DNAH1: variants seen among roughly 807,000 people sequenced by gnomAD.
DNAH1 encodes the protein axonemal beta dynein heavy chain 1.
A neutral mutation model predicts 484.3 loss-of-function variants in DNAH1; 327 were observed. The observed-to-expected ratio is 0.68, with a 90% CI of 0.62 to 0.74. The LOEUF is 0.74. Ranked by LOEUF, DNAH1 falls within the 30% of genes least tolerant of loss-of-function variation. DNAH1 has a pLI of 0.00. For missense variants in DNAH1, 5,052 were observed against 5,546.8 expected (o/e 0.91, Z 2.83); for synonymous variants, 2,192 against 2,191.9 (o/e 1.00, Z 0.00).
At position 52,362,541 on chromosome 3, in the gene DNAH1, T is replaced by G; in HGVS notation, c.5094+40T>G. On this transcript the variant is annotated intron_variant, in intron 31 of 77. Coordinates refer to ENST00000420323, the MANE Select transcript of DNAH1 (RefSeq NM_015512.5). The surrounding 1 kb of genome is among the most constrained non-coding windows in gnomAD (Gnocchi z 5.1). Reference sequence around the variant, plus strand: ...AGAGTGGCCCAGGAAGCACCAGAGCTCTAGCCTGAGTTCAGAGATGCTAAG... The same window carrying G: ...AGAGTGGCCCAGGAAGCACCAGAGCGCTAGCCTGAGTTCAGAGATGCTAAG... 1 of 1,566,382 alleles carries G rather than the reference T, an allele frequency of 6.4e-7. No individual in the cohort carries two copies. The highest frequency in any genetic ancestry group is 8.7e-7 in the Non-Finnish European group (1 of 1,145,962).
At position 52,384,912 on chromosome 3, in the gene DNAH1, C is replaced by T; in HGVS notation, c.8449C>T (p.Leu2817Phe). Residue 2817 changes from leucine to phenylalanine, a missense_variant, in exon 53 of 78, where the codon CTC becomes TTC. Leu to Phe is a conservative substitution (Grantham distance 22, BLOSUM62 0). Transcript: ENST00000420323. Reference sequence around the variant, plus strand: ...GGAGCTGCTTCATATTTTCTCCATCCTCATCGGGCAGAAGAAACTGGAGCT... The same window carrying T: ...GGAGCTGCTTCATATTTTCTCCATCTTCATCGGGCAGAAGAAACTGGAGCT... ...YLELLHIFSI[L>F]IGQKKLELKT... 1 of 1,613,640 alleles carries T rather than the reference C, an allele frequency of 6.2e-7. No homozygotes were observed. The highest frequency in any genetic ancestry group is 8.5e-7 in the Non-Finnish European group (1 of 1,179,752).
At chr3:52,382,854 C>T (rs1038522518) in intron 50 of DNAH1, among the ~76,000 whole-genome samples, 8 of 152,212 alleles carry the variant, frequency 5.3e-5, no homozygotes, top group East Asian at 1.9e-4. Flanking sequence ...TAGGGTCACA[C>T]GACAGAACAG....
chr3:52,360,320 G>T lies in DNAH1; in HGVS notation c.4581G>T (p.Trp1527Cys). ...FQWISQLRYY[W>C]TNNDLYIRAV... ...CTCCCTGCACCGCCAGGTACTACTG[G>T]ACAAATAATGACCTGTATATCCGTG... The change falls in exon 28 of 78, where the codon TGG (tryptophan) becomes TGT (cysteine). Residue 1527 changes from tryptophan (W) to cysteine (C), a missense_variant. Trp to Cys is a radical substitution (Grantham distance 215). Coordinates refer to ENST00000420323, the MANE Select transcript of DNAH1 (RefSeq NM_015512.5). 1 of 1,613,634 alleles carries T rather than the reference G, an allele frequency of 6.2e-7. No homozygotes were observed. Among genetic ancestry groups the T allele is most frequent in the Non-Finnish European group, 8.5e-7 (1 of 1,179,660 alleles).
At chr3:52,311,751 G>A (rs752607341), upstream of DNAH1, among the ~76,000 whole-genome samples, 24 of 152,166 alleles carry the variant, frequency 1.6e-4, no homozygotes, top group Non-Finnish European at 3.2e-4. Flanking sequence ...GCAACCTGGT[G>A]GGGTTGCTGG....
At chr3:52,391,076 C>T (rs1704354140) in intron 61 of DNAH1, 22 bp downstream of exon 61, 1 of 1,580,804 alleles carries the variant, frequency 6.3e-7, no homozygotes, top group Non-Finnish European at 8.6e-7. Context: ...CACCAGGCAC[C>T]ACCACCCCAC....
At position 52,332,417 on chromosome 3, in the gene DNAH1, C is replaced by A. The variant is rs555393000; in HGVS notation, c.1286+23C>A. 5.0e-6 allele frequency: 8 copies of A among 1,604,298 alleles called. No homozygotes were observed. In the African/African-American group the frequency reaches 1.1e-4, roughly 21 times the overall value. The stretch of plus-strand genomic sequence containing the variant: ...CTCGTGAGTCCCCGCTCGGCCTTCC[C>A]TATTCTGGGCATCACCTTCTTCAGG... On this transcript the variant is annotated intron_variant, in intron 8 of 77. Coordinates refer to ENST00000420323, the MANE Select transcript of DNAH1 (RefSeq NM_015512.5).
chr3:52,397,205 C>T lies in DNAH1; in HGVS notation c.11787+161C>T, dbSNP rs79759639. Among the ~76,000 whole-genome samples the T allele has an allele frequency of 0.018, 2,761 of 152,082 alleles. 73 individuals are homozygous for T. Among genetic ancestry groups the T allele is most frequent in the African/African-American group, 0.063 (2,593 of 41,360 alleles). ...TCCCATCCCACAAAGACAGCCTTGG[C>T]GAGGGAGTCAGACCCTGCCCACTGG... is the stretch of plus-strand genomic sequence containing the variant. On this transcript the variant is annotated intron_variant, in intron 73 of 77. Coordinates refer to ENST00000420323, the MANE Select transcript of DNAH1 (RefSeq NM_015512.5).
At position 52,386,873 on chromosome 3, in the gene DNAH1, T is replaced by C; in HGVS notation, c.9003+20T>C. 1 of 1,530,198 alleles carries C rather than the reference T, an allele frequency of 6.5e-7. No homozygotes were observed. The highest frequency in any genetic ancestry group is 2.4e-5 in the East Asian group (1 of 41,390). The allele number at this position is 1,530,198 out of a possible 1,614,324, so 94.8% of individuals were successfully genotyped here. A position where few individuals can be genotyped will look rare whatever the true frequency, so the allele number is the denominator to read the frequency against. On this transcript the variant is annotated intron_variant, in intron 56 of 77. Coordinates refer to ENST00000420323, the MANE Select transcript of DNAH1 (RefSeq NM_015512.5). ...GACAAGGTAAGCATGCCAGGCACCC[T>C]GGCCAGCCAGCGAGTGAGGACAAGG...
In DNAH1 at chr3:52,392,537, C is replaced by G; in HGVS notation, c.10126C>G (p.Leu3376Val). 6.2e-7 allele frequency: 1 copy of G among 1,613,978 alleles called. No homozygotes were observed. The highest frequency in any genetic ancestry group is 8.5e-7 in the Non-Finnish European group (1 of 1,179,880). The change falls in exon 64 of 78, where the codon CTG (leucine) becomes GTG (valine). Residue 3376 changes from leucine (L) to valine (V), a missense_variant. By Grantham distance (32) the Leu-to-Val change is conservative (BLOSUM62 1). Coordinates refer to ENST00000420323, the MANE Select transcript of DNAH1 (RefSeq NM_015512.5). ...CGACCTGGAGGAGGCCAAGAACCAG[C>G]TGATTATCAGTAATGCCAAGATGCG... is the stretch of plus-strand genomic sequence containing the variant. Reference protein sequence around the residue: ...RPDLEEAKNQLIISNAKMRQE... With the variant: ...RPDLEEAKNQVIISNAKMRQE...
At chr3:52,341,667 G>A (rs1467086248) in intron 8 of DNAH1, among the ~76,000 whole-genome samples, 1 of 151,790 alleles carries the variant, frequency 6.6e-6, no homozygotes, top group Non-Finnish European at 1.5e-5. Context: ...TAACTGGGAC[G>A]TGTTCCCACA....
chr3:52,353,353 C>T lies in DNAH1; in HGVS notation c.3227-27C>T, dbSNP rs1702474153. 1.2e-6 allele frequency: 2 copies of T among 1,608,846 alleles called. No homozygotes were observed. The highest frequency in any genetic ancestry group is 1.7e-5 in the Admixed American group (1 of 59,894). ...TCCTCCCTGCCTCTGCCGCCTGCCT[C>T]TCATGCGTTTCTGTCTTACCCGGCA... On this transcript the variant is annotated intron_variant, in intron 19 of 77. Coordinates refer to ENST00000420323, the MANE Select transcript of DNAH1 (RefSeq NM_015512.5). This position sits in a 1 kb window ranked among gnomAD's most constrained non-coding sequence, Gnocchi z 5.0.
rs1280573065 is a variant in DNAH1 at position 52,353,074 on chromosome 3, G to A, written c.3028-29G>A. ...AGAGACTGGGAAGTGTCCCAAGACA[G>A]CCCCAGCCCTGCCCTCCTGTCCCTG... On this transcript the variant is annotated intron_variant, in intron 18 of 77. Coordinates refer to ENST00000420323, the MANE Select transcript of DNAH1 (RefSeq NM_015512.5). This position sits in a 1 kb window ranked among gnomAD's most constrained non-coding sequence, Gnocchi z 5.0. The A allele has an allele frequency of 6.3e-7, 1 of 1,593,466 alleles. No individual in the cohort carries two copies. The highest frequency in any genetic ancestry group is 8.6e-7 in the Non-Finnish European group (1 of 1,168,384).
Position 52,399,759 on chromosome 3 carries a change from A to G in DNAH1, c.12656A>G (p.Tyr4219Cys). Residue 4219 changes from tyrosine (Y) to cysteine (C), a missense_variant, in exon 77 of 78, where the codon TAC (tyrosine) becomes TGC (cysteine). Coordinates refer to ENST00000420323, the MANE Select transcript of DNAH1 (RefSeq NM_015512.5). ...CAGGACTTTTACCTGTGCCCCATCT[A>G]CAAGACACTGACTCGTGCTGGTATG... ...QDQDFYLCPI[Y>C]KTLTRAGTLS... 6.2e-7 allele frequency: 1 copy of G among 1,613,928 alleles called. No homozygotes were observed. The highest frequency in any genetic ancestry group is 8.5e-7 in the Non-Finnish European group (1 of 1,179,868).
At chr3:52,334,255 A>G (rs1201721254) in intron 8 of DNAH1, among the ~76,000 whole-genome samples, 1 of 152,210 alleles carries the variant, frequency 6.6e-6, no homozygotes, top group African/African-American at 2.4e-5. Context: ...CTAAACATAG[A>G]AAAGGTACAG....
chr3:52,380,075 G>A lies in DNAH1; in HGVS notation c.7548G>A (p.Gly2516=), dbSNP rs372772356. Reference sequence around the variant, plus strand: ...GCCCCTTCCAGCCCATTCTTTACGGGGACTTCATGTCACCAGGCTCCGATG... The same window carrying A: ...GCCCCTTCCAGCCCATTCTTTACGGAGACTTCATGTCACCAGGCTCCGATG... The part of the protein sequence containing the change: ...KVCPFQPILY[G]DFMSPGSDVK... Residue 2516 remains glycine (G), a synonymous_variant, in exon 48 of 78, where the codon GGG becomes GGA. Transcript: ENST00000420323. 7 of 1,605,562 alleles carry A rather than the reference G, an allele frequency of 4.4e-6. No homozygotes were observed. The African/African-American group carries it at 8.0e-5, about 18-fold the overall frequency.
intron 6 of DNAH1, among the ~76,000 whole-genome samples, chr3:52,330,585 T>A (rs1346485286): frequency 6.6e-6 from 1 of 151,890 alleles, no homozygotes; most frequent in African/African-American, 2.4e-5. Context: ...GGGGCAGCGG[T>A]GGGAGGTAAG....
chr3:52,374,792 G>T, intron 44 of DNAH1: 1 of 1,054,432 alleles, frequency 9.5e-7, no homozygotes, highest in Non-Finnish European at 1.5e-6. Context: ...GTACACAACA[G>T]TCCAAAGCAG....
Position 52,384,064 on chromosome 3 carries a change from G to A in DNAH1, c.8322+33G>A, listed in dbSNP as rs766625022. 2.2e-5 allele frequency: 34 copies of A among 1,547,004 alleles called. No individual in the cohort carries two copies. In the African/African-American group the frequency reaches 4.4e-4, roughly 20 times the overall value. On this transcript the variant is annotated intron_variant, in intron 52 of 77. Transcript: ENST00000420323. ...TCTTGCTGAAGCTCAGGCCCTTGGG[G>A]AGACCTGTTTAGCTTGGGGCATGGG...
chr3:52,363,067 G>A lies in DNAH1; in HGVS notation c.5167G>A (p.Gly1723Ser). The A allele has an allele frequency of 3.1e-6, 5 of 1,613,960 alleles. No individual in the cohort carries two copies. The highest frequency in any genetic ancestry group is 4.2e-6 in the Non-Finnish European group (5 of 1,179,866). ...MITEISLYSF[G>S]FNEASVLAKK... ...CACTGAGATCTCCCTCTATTCCTTT[G>A]GCTTTAATGAGGCCAGTGTGCTGGC... The change falls in exon 32 of 78, where the codon GGC becomes AGC. Residue 1723 changes from glycine to serine, a missense_variant. Transcript: ENST00000420323.
Sources: gnomAD v4.1 joint callset for allele counts (sites outside exome capture counted in the v4.1 genomes callset) on GRCh38, gnomAD v4.1.1 for gene constraint, Gnocchi (gnomAD v3.1) non-coding constraint, MANE v1.5 for transcripts, NCBI Gene and HGNC (gene_info 2026-07-23, HGNC 2026-07-21) for gene names.